The following BCL2 variants were observed in gnomAD, a reference collection of about 807,000 sequenced individuals.
BCL2 encodes apoptosis regulator Bcl-2.
A neutral mutation model predicts 14.2 loss-of-function variants in BCL2; 1 was observed. The ratio of observed to expected loss-of-function variants is 0.07; its 90% confidence interval spans 0.02 to 0.33. The LOEUF is 0.33. BCL2 is among the 10% of genes least tolerant of loss of function. The probability of loss-of-function intolerance (pLI) is 0.99; values close to 1 mark genes in which losing one functional copy is unlikely to be tolerated. For synonymous variants in BCL2, 151 were observed against 137.2 expected (o/e 1.10, Z -0.70); for missense variants, 247 against 305.9 (o/e 0.81, Z 1.44).
chr18:63,280,654 G>A lies in BCL2; in HGVS notation c.585+37428C>T, dbSNP rs1912284952. Reference sequence around the variant, plus strand: ...AAGTTAACCACTTCACACTCATGAAGAGGGCCATCTTGAAAAACCAGAAAA... The same window carrying A: ...AAGTTAACCACTTCACACTCATGAAAAGGGCCATCTTGAAAAACCAGAAAA... On this transcript the variant is annotated intron_variant, in intron 2 of 2. Transcript: ENST00000333681. Among the ~76,000 whole-genome samples the A allele has an allele frequency of 3.9e-5, 6 of 152,326 alleles. No homozygotes were observed. In the South Asian group the frequency reaches 1.2e-3, roughly 32 times the overall value.
intron 2 of BCL2, chr18:63,302,430 G>A (rs1213943676): frequency 2.0e-6 from 2 of 985,242 alleles, no homozygotes; most frequent in Non-Finnish European, 2.4e-6. Context: ...CTTAATGAAA[G>A]GTCACTATTG....
intron 2 of BCL2, among the ~76,000 whole-genome samples, chr18:63,257,284 A>G (rs1293925150): frequency 6.6e-6 from 1 of 152,258 alleles, no homozygotes; most frequent in African/African-American, 2.4e-5. Flanking sequence ...TTTATAAGAC[A>G]CAAAGCCTCA....
At chr18:63,227,033 C>T (rs542142509) in intron 2 of BCL2, among the ~76,000 whole-genome samples, 1 of 151,460 alleles carries the variant, frequency 6.6e-6, no homozygotes, top group East Asian at 1.9e-4. Flanking sequence ...GGTGAAACCG[C>T]AGATCACCAA....
chr18:63,165,761 C>T (rs1276753682), intron 2 of BCL2, among the ~76,000 whole-genome samples: 2 of 133,586 alleles, frequency 1.5e-5, no homozygotes, highest in African/African-American at 3.5e-5. Flanking sequence ...AAGACTCTGT[C>T]CTCAAGGACC....
chr18:63,302,596 T>G, intron 2 of BCL2: 13 of 985,358 alleles, frequency 1.3e-5, no homozygotes, highest in Non-Finnish European at 1.4e-5. Flanking sequence ...CTTAAAACAT[T>G]ATTTTTGTCC....
intron 2 of BCL2, chr18:63,316,949 A>C (rs533469492): frequency 6.6e-6 from 1 of 151,888 alleles, no homozygotes; most frequent in South Asian, 2.1e-4. Flanking sequence ...AAAAAAAAAA[A>C]CTTCACACAA....
chr18:63,315,643 G>A (rs1032876894), intron 2 of BCL2: 7 of 152,200 alleles, frequency 4.6e-5, no homozygotes, highest in African/African-American at 1.4e-4. Context: ...CTCTTCTGAA[G>A]CTTTACCATT....
At chr18:63,243,300 G>A (rs748097841) in intron 2 of BCL2, among the ~76,000 whole-genome samples, 3 of 152,142 alleles carry the variant, frequency 2.0e-5, no homozygotes, top group Non-Finnish European at 4.4e-5. Flanking sequence ...CTTATTAGTG[G>A]GAGCTAACTG....
In BCL2 at chr18:63,318,481, GGAT is replaced by G. The variant is rs2144324773; in HGVS notation, c.183_185del (p.Ser62del). The G allele has an allele frequency of 6.7e-7, 1 of 1,486,918 alleles. No individual in the cohort carries two copies. Among genetic ancestry groups the G allele is most frequent in the Non-Finnish European group, 8.8e-7 (1 of 1,130,472 alleles). 92.1% of individuals were successfully genotyped at this position (1,486,918 alleles called of 1,614,324 possible). On this transcript the variant is annotated inframe_deletion, in exon 2 of 3. Coordinates refer to ENST00000333681, the MANE Select transcript of BCL2 (RefSeq NM_000633.3). This position sits in a 1 kb window ranked among gnomAD's most constrained non-coding sequence, Gnocchi z 7.4. Reference sequence around the variant, plus strand: ...GCGAGGTCCTGGCGACCGGGTCCCGGGATGCGGCTGGATGGGGCGTGTGCCCGG... The same window carrying G: ...GCGAGGTCCTGGCGACCGGGTCCCGGGCGGCTGGATGGGGCGTGTGCCCGG...
At chr18:63,198,566 A>T (rs1190806441) in intron 2 of BCL2, among the ~76,000 whole-genome samples, 5 of 150,900 alleles carry the variant, frequency 3.3e-5, no homozygotes, top group Non-Finnish European at 7.4e-5. Context: ...ACACAGACAC[A>T]CATTGACACA....
intron 2 of BCL2, among the ~76,000 whole-genome samples, chr18:63,241,705 C>T (rs1348080224): frequency 1.3e-5 from 2 of 152,150 alleles, no homozygotes; most frequent in South Asian, 4.2e-4. Flanking sequence ...AGAAAGAGCA[C>T]AATAGAATCT....
At chr18:63,297,341 T>C (rs1313998167) in intron 2 of BCL2, among the ~76,000 whole-genome samples, 1 of 152,242 alleles carries the variant, frequency 6.6e-6, no homozygotes, top group African/African-American at 2.4e-5. Flanking sequence ...AAAATTCTTA[T>C]AAAAATTATT....
chr18:63,172,984 CAGGATGTCTATAAAT>C (rs1915262407), intron 2 of BCL2, among the ~76,000 whole-genome samples: 1 of 152,140 alleles, frequency 6.6e-6, no homozygotes, highest in African/African-American at 2.4e-5. Flanking sequence ...TGACTCTACG[CAGGATGTCTATAAAT>C]AGTAATTAAA....
intron 2 of BCL2, among the ~76,000 whole-genome samples, chr18:63,291,081 T>C (rs1246807597): frequency 1.3e-5 from 2 of 152,162 alleles, no homozygotes; most frequent in Admixed American, 6.5e-5. Context: ...TTTCCACGAA[T>C]AGAAAGAACA....
At chr18:63,304,691 C>T (rs902411217) in intron 2 of BCL2, among the ~76,000 whole-genome samples, 4 of 152,116 alleles carry the variant, frequency 2.6e-5, no homozygotes, top group African/African-American at 4.8e-5. Flanking sequence ...CATCCACCCA[C>T]GTATCAAGCC....
chr18:63,269,280 T>G (rs558262503), intron 2 of BCL2, among the ~76,000 whole-genome samples: 10 of 152,150 alleles, frequency 6.6e-5, no homozygotes, highest in African/African-American at 2.4e-4. Context: ...ATGTAAAGTA[T>G]GGACTTACAG....
rs1226451249 is a variant in BCL2 at position 63,233,403 on chromosome 18, T to C, written c.585+84679A>G. ...GTTTTTTAAACTTGCAAAATGATAC[T>C]AGTTATTGTTTATGACAGTGGTCCC... On this transcript the variant is annotated intron_variant, in intron 2 of 2. Transcript: ENST00000333681. 4.6e-5 allele frequency among the ~76,000 whole-genome samples: 7 copies of C among 152,300 alleles called. No homozygotes were observed. In the South Asian group the frequency reaches 1.0e-3, roughly 23 times the overall value.
chr18:63,255,377 C>T (rs576796348), intron 2 of BCL2, among the ~76,000 whole-genome samples: 1 of 152,196 alleles, frequency 6.6e-6, no homozygotes, highest in Non-Finnish European at 1.5e-5. Flanking sequence ...TGGCCTATGT[C>T]CCAGGGGCTC....
chr18:63,236,418 C>G lies in BCL2; in HGVS notation c.585+81664G>C, dbSNP rs549141602. ...GGACAAAAAGCTGACAGAGTGGGCTCGTGGTCTATTGTCCCATAATGTCAA... is the reference window on the plus strand; with the variant it reads ...GGACAAAAAGCTGACAGAGTGGGCTGGTGGTCTATTGTCCCATAATGTCAA... On this transcript the variant is annotated intron_variant, in intron 2 of 2. Transcript: ENST00000333681. 1.1e-4 allele frequency among the ~76,000 whole-genome samples: 12 copies of G among 109,766 alleles called. No homozygotes were observed. The South Asian group carries it at 4.6e-3, about 42-fold the overall frequency. The allele number at this position is 109,766 out of a possible 152,430, so 72.0% of individuals were successfully genotyped here.
Sources: allele counts gnomAD v4.1 joint callset (sites outside exome capture counted in the v4.1 genomes callset), GRCh38; gene constraint gnomAD v4.1.1; non-coding constraint Gnocchi (gnomAD v3.1); transcripts MANE v1.5; gene names NCBI Gene and HGNC (gene_info 2026-07-23, HGNC 2026-07-21).